Variants in CTNND2 observed in about 807,000 individuals in gnomAD.
CTNND2 encodes catenin delta-2.
A neutral mutation model predicts 144.4 loss-of-function variants in CTNND2; 22 were observed. That is an observed-to-expected ratio of 0.15 (90% CI 0.11 to 0.22). The LOEUF (loss-of-function observed/expected upper bound fraction) is 0.22, where lower values mean the gene tolerates loss of function less well. Among genes scored for constraint, CTNND2 ranks in the 10% least tolerant of loss-of-function variants. The pLI is 1.00. For missense variants in CTNND2, 1,353 were observed against 1,618.8 expected, an observed-to-expected ratio of 0.84 and a Z score of 2.82; for synonymous variants, 751 against 695.6, an observed-to-expected ratio of 1.08 and a Z score of -1.25.
At chr5:11,618,751 G>A (rs763700911) in intron 2 of CTNND2, among the ~76,000 whole-genome samples, 6 of 151,974 alleles carry the variant, frequency 3.9e-5, no homozygotes, top group Non-Finnish European at 7.4e-5. Context: ...AAACACTTAT[G>A]ATTATTACCC....
At chr5:11,516,415 A>C (rs1772170239) in intron 3 of CTNND2, among the ~76,000 whole-genome samples, 1 of 152,068 alleles carries the variant, frequency 6.6e-6, no homozygotes, top group African/African-American at 2.4e-5. Context: ...CTCCATTTGC[A>C]GAAGATATGA....
At chr5:11,637,248 A>G (rs1237449531) in intron 2 of CTNND2, among the ~76,000 whole-genome samples, 1 of 152,192 alleles carries the variant, frequency 6.6e-6, no homozygotes, top group African/African-American at 2.4e-5. Flanking sequence ...TCCAAAATAA[A>G]CTGAGTTCTT....
intron 10 of CTNND2, among the ~76,000 whole-genome samples, chr5:11,215,889 A>G (rs998095933): frequency 1.3e-5 from 2 of 152,240 alleles, no homozygotes; most frequent in Admixed American, 1.3e-4. Context: ...TTGAATGACA[A>G]ATTAAAGAAA....
intron 1 of CTNND2, among the ~76,000 whole-genome samples, chr5:11,883,454 A>C (rs1346392959): frequency 6.6e-6 from 1 of 152,124 alleles, no homozygotes; most frequent in Non-Finnish European, 1.5e-5. Flanking sequence ...TTTCTGTGTC[A>C]GTTTGCTGAG....
chr5:11,004,233 A>G (rs188638681), intron 18 of CTNND2, among the ~76,000 whole-genome samples: 9 of 152,338 alleles, frequency 5.9e-5, no homozygotes, highest in Non-Finnish European at 1.2e-4. Flanking sequence ...CAAAGATCTG[A>G]CTTGGATGAG....
At chr5:11,878,824 T>C (rs558337500) in intron 1 of CTNND2, among the ~76,000 whole-genome samples, 9 of 152,294 alleles carry the variant, frequency 5.9e-5, no homozygotes, top group African/African-American at 2.2e-4. Context: ...GAAGGAAGCA[T>C]GTGGACATTG....
At chr5:11,059,887 T>G (rs1296607640) in intron 16 of CTNND2, among the ~76,000 whole-genome samples, 1 of 152,234 alleles carries the variant, frequency 6.6e-6, no homozygotes, top group Non-Finnish European at 1.5e-5. Context: ...CCCATACACA[T>G]GAATATATAC....
chr5:11,859,507 C>T (rs1215046174), intron 1 of CTNND2, among the ~76,000 whole-genome samples: 1 of 151,832 alleles, frequency 6.6e-6, no homozygotes. Flanking sequence ...TCATCTGGAC[C>T]CCCTATATGT....
intron 3 of CTNND2, among the ~76,000 whole-genome samples, chr5:11,500,027 G>A (rs1770384919): frequency 6.6e-6 from 1 of 151,898 alleles, no homozygotes; most frequent in African/African-American, 2.4e-5. Flanking sequence ...AGGGAGTGAG[G>A]GCCTGTAAGA....
At chr5:11,848,842 G>C (rs754782303) in intron 1 of CTNND2, among the ~76,000 whole-genome samples, 4 of 152,084 alleles carry the variant, frequency 2.6e-5, no homozygotes, top group African/African-American at 4.8e-5. Flanking sequence ...TGAGATCCAG[G>C]CTAGATCAGG....
chr5:11,860,765 G>T (rs1382419701), intron 1 of CTNND2, among the ~76,000 whole-genome samples: 1 of 152,068 alleles, frequency 6.6e-6, no homozygotes, highest in Non-Finnish European at 1.5e-5. Flanking sequence ...AAATACAATA[G>T]GTTTTTGAAG....
intron 21 of CTNND2, among the ~76,000 whole-genome samples, chr5:10,974,980 C>A (rs548627801): frequency 6.6e-6 from 1 of 152,110 alleles, no homozygotes; most frequent in Non-Finnish European, 1.5e-5. Flanking sequence ...GGATGTCCCA[C>A]GTGTCTAGTT....
intron 2 of CTNND2, among the ~76,000 whole-genome samples, chr5:11,705,795 A>G (rs1290634664): frequency 6.6e-6 from 1 of 152,160 alleles, no homozygotes; most frequent in African/African-American, 2.4e-5. Flanking sequence ...AGTCCTCCAC[A>G]TCTTGAGTGT....
At chr5:11,142,048 A>G (rs1463043532) in intron 12 of CTNND2, among the ~76,000 whole-genome samples, 1 of 152,178 alleles carries the variant, frequency 6.6e-6, no homozygotes, top group Non-Finnish European at 1.5e-5. Context: ...TGATGCAGCA[A>G]GAAGGCCCTC....
intron 1 of CTNND2, among the ~76,000 whole-genome samples, chr5:11,860,373 T>C (rs1795446087): frequency 6.6e-6 from 1 of 152,252 alleles, no homozygotes; most frequent in Admixed American, 6.5e-5. Context: ...TAATATTTTG[T>C]AGCATTTTAA....
intron 1 of CTNND2, among the ~76,000 whole-genome samples, chr5:11,745,374 T>C (rs1788251494): frequency 6.6e-6 from 1 of 152,114 alleles, no homozygotes; most frequent in Non-Finnish European, 1.5e-5. Flanking sequence ...TGTGGAATCC[T>C]GGGGAGAGGC....
chr5:11,011,744 C>T (rs10044577), intron 18 of CTNND2, among the ~76,000 whole-genome samples: 8,848 of 152,224 alleles, frequency 0.058, 329 homozygotes, highest in East Asian at 0.1. Context: ...CACGGAGAGG[C>T]AAGGGCACGG....
chr5:11,425,515 C>T (rs1353593645), intron 3 of CTNND2, among the ~76,000 whole-genome samples: 1 of 152,162 alleles, frequency 6.6e-6, no homozygotes. Flanking sequence ...CTGAAGTTAT[C>T]CTTTCAAGAA....
At position 11,356,479 on chromosome 5, in the gene CTNND2, G is replaced by A. The variant is rs533373823; in HGVS notation, c.1372+8217C>T. 9.9e-5 allele frequency among the ~76,000 whole-genome samples: 15 copies of A among 152,016 alleles called. No homozygotes were observed. The South Asian group carries it at 3.1e-3, about 32-fold the overall frequency. On this transcript the variant is annotated intron_variant, in intron 8 of 21. Transcript: ENST00000304623. ...TGGTCTTTTCAACAGATAATGCTGA[G>A]AAAACTGATATCCACATGCAGAGAA... is the stretch of plus-strand genomic sequence containing the variant.
Sources: allele counts gnomAD v4.1 joint callset (sites outside exome capture counted in the v4.1 genomes callset), GRCh38; gene constraint gnomAD v4.1.1; transcripts MANE v1.5; gene names NCBI Gene and HGNC (gene_info 2026-07-23, HGNC 2026-07-21).